The following NELL2 variants were observed in gnomAD, a reference collection of about 807,000 sequenced individuals.
NELL2 encodes the protein neural EGFL like 2, also known as protein kinase C-binding protein NELL2.
Under a neutral mutation model 109.6 loss-of-function variants are expected in NELL2, and 41 were observed. That is an observed-to-expected ratio of 0.37 (90% CI 0.29 to 0.49). The LOEUF is 0.49. Among genes scored for constraint, NELL2 ranks in the 20% least tolerant of loss-of-function variants. The probability of loss-of-function intolerance (pLI) is 0.98; values close to 1 mark genes in which losing one functional copy is unlikely to be tolerated. For missense variants in NELL2, 900 were observed against 1,008.3 expected (o/e 0.89, Z 1.45); for synonymous variants, 355 against 344.7 (o/e 1.03, Z -0.33).
intron 2 of NELL2, among the ~76,000 whole-genome samples, chr12:44,868,384 C>T (rs368246451): frequency 1.4e-4 from 21 of 152,082 alleles, no homozygotes; most frequent in Non-Finnish European, 2.4e-4. Context: ...AGATTTACTG[C>T]GACCCTTATT....
intron 2 of NELL2, chr12:44,874,956 A>G: frequency 3.1e-6 from 1 of 326,348 alleles, no homozygotes; most frequent in Non-Finnish European, 5.6e-6. Flanking sequence ...TCTAAAATCA[A>G]CCATCTGCCA....
chr12:44,535,575 C>T (rs1490853777), intron 15 of NELL2, among the ~76,000 whole-genome samples: 3 of 151,806 alleles, frequency 2.0e-5, no homozygotes, highest in Non-Finnish European at 4.4e-5. Context: ...TCATATAGAA[C>T]AGTATTTCCA....
chr12:44,807,330 T>TACAC (rs3038988), intron 3 of NELL2, among the ~76,000 whole-genome samples: 11,989 of 148,846 alleles, frequency 0.081, 578 homozygotes, highest in Non-Finnish European at 0.11. Flanking sequence ...TTTTGCTCTT[T>TACAC]ACACACACAC....
intron 13 of NELL2, among the ~76,000 whole-genome samples, chr12:44,630,762 T>A (rs1464501812): frequency 6.6e-6 from 1 of 151,998 alleles, no homozygotes; most frequent in African/African-American, 2.4e-5. Context: ...GGTGGAAGTG[T>A]GAGCTAATTT....
chr12:44,576,178 A>T (rs1944074914), intron 15 of NELL2, among the ~76,000 whole-genome samples: 1 of 152,208 alleles, frequency 6.6e-6, no homozygotes, highest in African/African-American at 2.4e-5. Context: ...TAAAGCATTC[A>T]GGCATCCCTG....
At chr12:44,528,658 C>T (rs941570677) in intron 16 of NELL2, among the ~76,000 whole-genome samples, 6 of 152,178 alleles carry the variant, frequency 3.9e-5, no homozygotes, top group African/African-American at 1.4e-4. Context: ...CAAACTATGA[C>T]CTTTGAAACT....
chr12:44,644,586 ATATATATATATATATATGTATG>A (rs1392039846), intron 13 of NELL2, among the ~76,000 whole-genome samples: 2 of 98,096 alleles, frequency 2.0e-5, no homozygotes, highest in Non-Finnish European at 3.9e-5. Flanking sequence ...TAAAGTATAT[ATATATATATATATATATGTATG>A]TATATATATA....
intron 15 of NELL2, among the ~76,000 whole-genome samples, chr12:44,600,101 G>T (rs984001943): frequency 6.6e-6 from 1 of 150,756 alleles, no homozygotes; most frequent in Non-Finnish European, 1.5e-5. Context: ...AGCTGGGACT[G>T]CAGGCGCCCG....
At chr12:44,678,621 C>T (rs1054939206) in intron 12 of NELL2, among the ~76,000 whole-genome samples, 9 of 152,214 alleles carry the variant, frequency 5.9e-5, no homozygotes, top group African/African-American at 1.9e-4. Flanking sequence ...AGCTACCTAA[C>T]GTCCTTCAAC....
intron 19 of NELL2, among the ~76,000 whole-genome samples, chr12:44,512,561 G>A (rs1225988903): frequency 6.6e-6 from 1 of 151,950 alleles, no homozygotes; most frequent in Non-Finnish European, 1.5e-5. Flanking sequence ...ACCAAGATAT[G>A]TAATCAACCT....
chr12:44,779,815 C>T lies in NELL2; in HGVS notation c.509+34G>A, dbSNP rs150588592. 3,661 of 1,613,360 alleles carry T rather than the reference C, an allele frequency of 2.3e-3. 7 individuals carry two copies. Among genetic ancestry groups the T allele is most frequent in the Middle Eastern group, 5.0e-3 (30 of 6,058 alleles). On this transcript the variant is annotated intron_variant, in intron 4 of 19. Transcript: ENST00000429094. ...TGAGTAGACAGTCATTTCTTAGAAT[C>T]TTCCATTTCCTAAAATGAGGACACT...
chr12:44,585,258 T>C (rs1034727852), intron 15 of NELL2, among the ~76,000 whole-genome samples: 2 of 152,104 alleles, frequency 1.3e-5, no homozygotes, highest in African/African-American at 2.4e-5. Context: ...AGGATTTGCA[T>C]TGAAACCATT....
chr12:44,532,743 T>C (rs958796319), intron 15 of NELL2, 22 bp from the exon 16 acceptor site: 1 of 1,594,632 alleles, frequency 6.3e-7, no homozygotes, highest in African/African-American at 1.3e-5. Flanking sequence ...AGAGGGATTT[T>C]ATAAAATTAT....
chr12:44,741,670 T>C (rs1939975263), intron 9 of NELL2, among the ~76,000 whole-genome samples: 2 of 152,228 alleles, frequency 1.3e-5, no homozygotes, highest in Admixed American at 1.3e-4. Flanking sequence ...CGCATCTGGC[T>C]CGGAGGGTCC....
rs1280208110 is a variant in NELL2 at position 44,662,895 on chromosome 12, A to C, written c.1444+2589T>G. Among the ~76,000 whole-genome samples, 5 of 152,192 alleles carry C rather than the reference A, an allele frequency of 3.3e-5. No homozygotes were observed. In the South Asian group the frequency reaches 8.3e-4, roughly 25 times the overall value. On this transcript the variant is annotated intron_variant, in intron 13 of 19. Coordinates refer to ENST00000429094, the MANE Select transcript of NELL2 (RefSeq NM_001145108.2). The stretch of plus-strand genomic sequence containing the variant: ...AGAAGCAAAACAAACATGGAATTCC[A>C]TGAGCTCGGACACAAACATCAGGGA...
intron 12 of NELL2, among the ~76,000 whole-genome samples, chr12:44,691,457 C>T (rs973379800): frequency 6.6e-6 from 1 of 152,114 alleles, no homozygotes; most frequent in African/African-American, 2.4e-5. Flanking sequence ...CGCCCCCTTT[C>T]CTCAGTCCAC....
intron 19 of NELL2, 35 bp from the exon 20 acceptor site, chr12:44,509,019 G>A (rs1308228803): frequency 6.4e-7 from 1 of 1,555,942 alleles, no homozygotes; most frequent in African/African-American, 1.4e-5. Flanking sequence ...AAAACAGTAT[G>A]AATTTTTAAG....
chr12:44,900,481 T>A (rs1762613469), intron 1 of NELL2, among the ~76,000 whole-genome samples: 1 of 152,058 alleles, frequency 6.6e-6, no homozygotes, highest in Non-Finnish European at 1.5e-5. Context: ...CACAACTACA[T>A]GGAAACCGAA....
intron 15 of NELL2, among the ~76,000 whole-genome samples, chr12:44,589,376 G>C (rs1458120233): frequency 7.0e-6 from 1 of 142,690 alleles, no homozygotes; most frequent in Non-Finnish European, 1.5e-5. Flanking sequence ...AGCACAAAGA[G>C]ACACTACTTT....
Sources: gnomAD v4.1 joint callset for allele counts (sites outside exome capture counted in the v4.1 genomes callset) on GRCh38, gnomAD v4.1.1 for gene constraint, MANE v1.5 for transcripts, NCBI Gene and HGNC (gene_info 2026-07-23, HGNC 2026-07-21) for gene names.